The following RASSF3 variants were observed in gnomAD, a reference collection of about 807,000 sequenced individuals.
RASSF3 encodes the protein Ras association domain family member 3.
In RASSF3, 19 loss-of-function variants were observed where a neutral mutation model predicts 19.9. That is an observed-to-expected ratio of 0.96 (90% CI 0.67 to 1.40). The LOEUF (loss-of-function observed/expected upper bound fraction) is 1.40. Among genes scored for constraint, RASSF3 ranks in the 40% most tolerant of loss-of-function variants. The pLI is 0.00. For missense variants in RASSF3, 306 were observed against 289.8 expected (o/e 1.06, Z -0.41); for synonymous variants, 110 against 104.2 (o/e 1.06, Z -0.34).
intron 1 of RASSF3, among the ~76,000 whole-genome samples, chr12:64,538,316 C>T (rs999245905): frequency 2.6e-5 from 4 of 152,118 alleles, no homozygotes; most frequent in Non-Finnish European, 5.9e-5. Flanking sequence ...CCTGTAAGAG[C>T]ACTAGTCATA....
At chr12:64,644,080 A>AG (rs1871641844) in intron 1 of RASSF3, among the ~76,000 whole-genome samples, 1 of 152,210 alleles carries the variant, frequency 6.6e-6, no homozygotes, top group Non-Finnish European at 1.5e-5. Flanking sequence ...TTTGCTCTGC[A>AG]GGGATAGTAA....
intron 1 of RASSF3, among the ~76,000 whole-genome samples, chr12:64,621,580 T>C (rs1453215534): frequency 6.6e-6 from 1 of 151,854 alleles, no homozygotes; most frequent in Non-Finnish European, 1.5e-5. Flanking sequence ...CAGGTTCAAG[T>C]GATTCTCCTG....
chr12:64,631,193 G>A (rs1294098109), intron 1 of RASSF3, among the ~76,000 whole-genome samples: 1 of 152,186 alleles, frequency 6.6e-6, no homozygotes, highest in African/African-American at 2.4e-5. Context: ...ACCAAGGAGT[G>A]GTCAGAGAAG....
intron 1 of RASSF3, among the ~76,000 whole-genome samples, chr12:64,641,793 A>T (rs1871543771): frequency 6.6e-6 from 1 of 151,098 alleles, no homozygotes; most frequent in African/African-American, 2.4e-5. Context: ...CCCAGGCTAG[A>T]GTGCAGTAGT....
intron 1 of RASSF3, among the ~76,000 whole-genome samples, chr12:64,629,275 G>A (rs187893566): frequency 3.0e-4 from 45 of 150,902 alleles, no homozygotes; most frequent in African/African-American, 1.1e-3. Flanking sequence ...CTAATTTTTC[G>A]TATTTTTTTT....
chr12:64,614,130 T>C (rs1453029535), intron 1 of RASSF3, among the ~76,000 whole-genome samples: 5 of 149,796 alleles, frequency 3.3e-5, no homozygotes, highest in African/African-American at 9.9e-5. Context: ...GTCTTTACCA[T>C]TTCTTTTTTT....
At position 64,573,598 on chromosome 12, in the gene RASSF3, C is replaced by A. The variant is rs536683515; in HGVS notation, c.294+31893C>A. 3.3e-5 allele frequency among the ~76,000 whole-genome samples: 5 copies of A among 152,250 alleles called. No individual in the cohort carries two copies. The South Asian group carries it at 1.0e-3, about 32-fold the overall frequency. ...CCCCAGGCTTGACTAGGGAAGGATC[C>A]ACTTCCAAACTCAGTCATGTGTATT... On this transcript the variant is annotated intron_variant, in intron 2 of 5. Coordinates refer to the RASSF3 transcript ENST00000637125.
upstream of RASSF3, among the ~76,000 whole-genome samples, chr12:64,532,173 T>C (rs1868722628): frequency 6.6e-6 from 1 of 152,178 alleles, no homozygotes; most frequent in South Asian, 2.1e-4. Context: ...TGAGCAGCTC[T>C]GCCCCCTCTC....
chr12:64,622,855 C>T (rs542988090), intron 1 of RASSF3, among the ~76,000 whole-genome samples: 4 of 150,150 alleles, frequency 2.7e-5, no homozygotes, highest in South Asian at 2.1e-4. Flanking sequence ...GAGTCTTGCT[C>T]TGTTGCCCAG....
intron 2 of RASSF3, among the ~76,000 whole-genome samples, chr12:64,569,029 C>T (rs541843616): frequency 1.3e-5 from 2 of 152,208 alleles, no homozygotes; most frequent in South Asian, 4.2e-4. Flanking sequence ...CTTTTAATTG[C>T]CATCCTCTCA....
rs756353066 is a variant in RASSF3, at chr12:64,563,011, G to T, written c.294+21306G>T. Among the ~76,000 whole-genome samples, 5 of 151,968 alleles carry T rather than the reference G, an allele frequency of 3.3e-5. No individual in the cohort carries two copies. The South Asian group carries it at 1.0e-3, about 32-fold the overall frequency. Reference sequence around the variant, plus strand: ...TGTCTCCAAAATCTAACCAATGTCCGTCTACTTCTCTCTATGCCCACAGCT... The same window carrying T: ...TGTCTCCAAAATCTAACCAATGTCCTTCTACTTCTCTCTATGCCCACAGCT... On this transcript the variant is annotated intron_variant, in intron 2 of 5. Transcript: ENST00000637125.
At chr12:64,595,177 C>T (rs1265791706) in intron 2 of RASSF3, among the ~76,000 whole-genome samples, 1 of 143,230 alleles carries the variant, frequency 7.0e-6, no homozygotes, top group Non-Finnish European at 1.5e-5. Context: ...AAGTGATTCT[C>T]CTGCCTCAGC....
intron 1 of RASSF3, among the ~76,000 whole-genome samples, chr12:64,671,156 C>G (rs1872690146): frequency 6.6e-6 from 1 of 152,108 alleles, no homozygotes; most frequent in South Asian, 2.1e-4. Context: ...CTAATCCTGC[C>G]CTGTCTGGTT....
At position 64,638,437 on chromosome 12, in the gene RASSF3, G is replaced by A. The variant is rs543738031; in HGVS notation, c.111+27694G>A. ...CTACTAAAAATACAAACAATTAGCT[G>A]GGCGTGGTGGCGGGCGCCTGTAGTC... On this transcript the variant is annotated intron_variant, in intron 1 of 4. Transcript: ENST00000542104. Among the ~76,000 whole-genome samples, 19 of 152,090 alleles carry A rather than the reference G, an allele frequency of 1.2e-4. No homozygotes were observed. The East Asian group carries it at 2.1e-3, about 17-fold the overall frequency.
intron 1 of RASSF3, among the ~76,000 whole-genome samples, chr12:64,651,811 C>T (rs947882971): frequency 6.6e-6 from 1 of 151,922 alleles, no homozygotes; most frequent in Non-Finnish European, 1.5e-5. Flanking sequence ...CACATGTGCA[C>T]GCCACCACAC....
At chr12:64,533,387 A>G (rs754717933) in intron 1 of RASSF3, 10 of 152,264 alleles carry the variant, frequency 6.6e-5, no homozygotes, top group Non-Finnish European at 1.5e-4. Flanking sequence ...GCTGGACAGA[A>G]TAAGTCCCCA....
intron 1 of RASSF3, among the ~76,000 whole-genome samples, chr12:64,517,846 T>C (rs1004597194): frequency 1.3e-4 from 20 of 152,112 alleles, no homozygotes; most frequent in African/African-American, 4.8e-4. Flanking sequence ...CTTGAACTCC[T>C]GGGCTCAAGT....
At chr12:64,587,441 A>G (rs1869832004) in intron 2 of RASSF3, among the ~76,000 whole-genome samples, 1 of 152,182 alleles carries the variant, frequency 6.6e-6, no homozygotes, top group Admixed American at 6.6e-5. Flanking sequence ...TAAGAAAAAA[A>G]GCTAAGAGTT....
rs140440402 is a variant in RASSF3 at position 64,528,037 on chromosome 12, C to G, written c.170-13544C>G. Among the ~76,000 whole-genome samples, 1,518 of 152,196 alleles carry G rather than the reference C, an allele frequency of 1.0e-2. 15 individuals carry two copies. Among genetic ancestry groups the G allele is most frequent in the Non-Finnish European group, 0.013 (897 of 68,002 alleles). On this transcript the variant is annotated intron_variant, in intron 1 of 5. Coordinates refer to the RASSF3 transcript ENST00000637125. ...AAATTGGGAGGCCAAGGCAGGAGAA[C>G]CACTCGCATCCAGGAGTTTGAGACC...
Sources: gnomAD v4.1 joint callset for allele counts (sites outside exome capture counted in the v4.1 genomes callset) on GRCh38, gnomAD v4.1.1 for gene constraint, MANE v1.5 for transcripts, NCBI Gene and HGNC (gene_info 2026-07-23, HGNC 2026-07-21) for gene names.